PSPC1: variants seen among roughly 807,000 people sequenced by gnomAD.
The protein encoded by PSPC1 is paraspeckle protein 1.
In PSPC1, 14 loss-of-function variants were observed where a neutral mutation model predicts 51.6. The observed-to-expected ratio is 0.27, with a 90% CI of 0.18 to 0.42. The LOEUF is 0.42. Ranked by LOEUF, PSPC1 falls within the 10% of genes least tolerant of loss-of-function variation. The pLI, the probability that PSPC1 is intolerant of heterozygous loss-of-function variation, is 1.00. For missense variants in PSPC1, 406 were observed against 701.1 expected (o/e 0.58, Z 4.75); for synonymous variants, 193 against 231.9 (o/e 0.83, Z 1.53).
At chr13:19,781,771 T>C (rs1042633502) in intron 1 of PSPC1, among the ~76,000 whole-genome samples, 1 of 152,180 alleles carries the variant, frequency 6.6e-6, no homozygotes, top group Non-Finnish European at 1.5e-5. Flanking sequence ...CGAGACCCCA[T>C]TTCTATTAAA....
At chr13:19,777,459 T>TTTACA (rs1889286075) in intron 1 of PSPC1, among the ~76,000 whole-genome samples, 1 of 151,064 alleles carries the variant, frequency 6.6e-6, no homozygotes, top group Non-Finnish European at 1.5e-5. Flanking sequence ...AAAGATAACT[T>TTTACA]TTACATAAAA....
At chr13:19,731,936 G>GA (rs1253114416) in intron 5 of PSPC1, among the ~76,000 whole-genome samples, 1 of 152,154 alleles carries the variant, frequency 6.6e-6, no homozygotes, top group Non-Finnish European at 1.5e-5. Flanking sequence ...ATATAAAGCT[G>GA]ATGCCCCATT....
chr13:19,741,556 TTC>T lies in PSPC1; in HGVS notation c.1052+7_1052+8del, dbSNP rs1885433963. The T allele has an allele frequency of 4.6e-6, 7 of 1,537,306 alleles. No homozygotes were observed. Among genetic ancestry groups the T allele is most frequent in the Non-Finnish European group, 6.2e-6 (7 of 1,122,356 alleles). ...ACAATTCATGTTTCTTAAAATGATC[TTC>T]TTTTACCTTAGTTGTATTTGCTTCC... On this transcript the variant is annotated splice_region_variant and intron_variant, in intron 5 of 8. Coordinates refer to ENST00000338910, the MANE Select transcript of PSPC1 (RefSeq NM_001354909.2).
intron 5 of PSPC1, among the ~76,000 whole-genome samples, chr13:19,732,389 A>T (rs7358902): frequency 0.92 from 139,358 of 152,184 alleles, 65,034 homozygotes; most frequent in Non-Finnish European, 1. Flanking sequence ...TTTCTCATTT[A>T]AAAAAGGGTC....
In PSPC1 at chr13:19,678,258, G is replaced by A. The variant is rs117837044; in HGVS notation, c.1159-435C>T. The stretch of plus-strand genomic sequence containing the variant: ...TCACTCCCACTGTGTCTGCAAAACC[G>A]TATTCCACTTGTACCAAGGCAGGGA... On this transcript the variant is annotated intron_variant and NMD_transcript_variant, in intron 6 of 7. Coordinates refer to the PSPC1 transcript ENST00000471658. 7.2e-4 allele frequency: 115 copies of A among 159,712 alleles called. 2 individuals carry two copies. In the East Asian group the frequency reaches 0.018, roughly 24 times the overall value. The allele number at this position is 159,712 out of a possible 1,614,324, so 9.9% of individuals were successfully genotyped here. A position where few individuals can be genotyped will look rare whatever the true frequency, so the allele number is the denominator to read the frequency against.
chr13:19,777,608 T>C (rs1205916279), intron 1 of PSPC1, among the ~76,000 whole-genome samples: 2 of 152,104 alleles, frequency 1.3e-5, no homozygotes, highest in African/African-American at 2.4e-5. Flanking sequence ...TTGCGAATAT[T>C]TACCCTTCTC....
intron 3 of PSPC1, among the ~76,000 whole-genome samples, 186 bp downstream of exon 3, chr13:19,759,131 CAGAGCA>C (rs557447078): frequency 6.6e-6 from 1 of 151,726 alleles, no homozygotes; most frequent in East Asian, 1.9e-4. Flanking sequence ...GCCTGGGCGA[CAGAGCA>C]AGATACTATC....
intron 5 of PSPC1, among the ~76,000 whole-genome samples, chr13:19,730,943 T>C (rs1883974913): frequency 3.3e-5 from 2 of 59,890 alleles, no homozygotes; most frequent in Non-Finnish European, 6.5e-5. Context: ...AGACCCTGTC[T>C]CAGAAAAAAA....
downstream of PSPC1, chr13:19,671,255 T>TA: frequency 6.2e-7 from 1 of 1,614,110 alleles, no homozygotes; most frequent in Non-Finnish European, 8.5e-7. Flanking sequence ...CCCAATAAAC[T>TA]CTTCATAAGG....
intron 6 of PSPC1, among the ~76,000 whole-genome samples, chr13:19,718,147 T>C (rs1328685297): frequency 6.6e-6 from 1 of 152,208 alleles, no homozygotes; most frequent in African/African-American, 2.4e-5. Flanking sequence ...TAGTGAATGC[T>C]TGGAAAACTT....
At chr13:19,705,447 C>T (rs1255417796) in intron 8 of PSPC1, among the ~76,000 whole-genome samples, 6 of 151,594 alleles carry the variant, frequency 4.0e-5, no homozygotes, top group South Asian at 4.2e-4. Flanking sequence ...AAGCCAAGAT[C>T]GTGCCATGCA....
At position 19,702,554 on chromosome 13, in the gene PSPC1, T is replaced by A. The variant is rs1460070694; in HGVS notation, c.*621A>T. Reference sequence around the variant, plus strand: ...GAAAAATCAGCACAGGACAAAGATATCCTTAATAATCTGTCTCAGAATACC... The same window carrying A: ...GAAAAATCAGCACAGGACAAAGATAACCTTAATAATCTGTCTCAGAATACC... On this transcript the variant is annotated 3_prime_UTR_variant, in exon 9 of 9. Transcript: ENST00000338910. The A allele has an allele frequency of 1.3e-5, 2 of 152,076 alleles. No individual in the cohort carries two copies. The highest frequency in any genetic ancestry group is 2.4e-5 in the African/African-American group (1 of 41,416). The allele number at this position is 152,076 out of a possible 1,614,324, so 9.4% of individuals were successfully genotyped here. A position where few individuals can be genotyped will look rare whatever the true frequency, so the allele number is the denominator to read the frequency against.
chr13:19,676,456 T>C (rs975134210), intron 7 of PSPC1, among the ~76,000 whole-genome samples: 4 of 152,158 alleles, frequency 2.6e-5, no homozygotes, highest in African/African-American at 4.8e-5. Flanking sequence ...CACATTTTTG[T>C]GCTGCATGAG....
At chr13:19,734,815 T>C (rs144425136) in intron 5 of PSPC1, among the ~76,000 whole-genome samples, 3 of 150,378 alleles carry the variant, frequency 2.0e-5, no homozygotes, top group African/African-American at 7.3e-5. Flanking sequence ...AAAAAAATAA[T>C]AAGAATATAA....
chr13:19,751,095 G>GTT (rs367830255), intron 4 of PSPC1, among the ~76,000 whole-genome samples, 176 bp downstream of exon 4: 1 of 148,652 alleles, frequency 6.7e-6, no homozygotes, highest in African/African-American at 2.4e-5. Flanking sequence ...AGTAAGTTGT[G>GTT]TTCTTTTTTT....
chr13:19,727,192 G>A (rs1011885759), intron 6 of PSPC1, among the ~76,000 whole-genome samples: 4 of 152,098 alleles, frequency 2.6e-5, no homozygotes, highest in South Asian at 4.1e-4. Context: ...TCAGGAGTTC[G>A]AGACTATCCT....
chr13:19,724,546 T>C (rs1883132410), intron 6 of PSPC1, among the ~76,000 whole-genome samples: 1 of 152,192 alleles, frequency 6.6e-6, no homozygotes, highest in Non-Finnish European at 1.5e-5. Context: ...GCTTTATTCC[T>C]CTACTGACTA....
At chr13:19,730,410 C>G in intron 5 of PSPC1, 66 bp from the exon 6 acceptor site, 3 of 1,373,966 alleles carry the variant, frequency 2.2e-6, no homozygotes, top group Non-Finnish European at 3.1e-6. Context: ...CATTTTACTT[C>G]ATGTAAAATG....
chr13:19,671,876 C>T, downstream of PSPC1: 3 of 1,614,018 alleles, frequency 1.9e-6, no homozygotes, highest in Non-Finnish European at 2.5e-6. Flanking sequence ...GCTGCAGTGA[C>T]CAAACAGAAG....
Sources: gnomAD v4.1 joint callset for allele counts (sites outside exome capture counted in the v4.1 genomes callset) on GRCh38, gnomAD v4.1.1 for gene constraint, MANE v1.5 for transcripts, NCBI Gene and HGNC (gene_info 2026-07-23, HGNC 2026-07-21) for gene names.